SLC35A1: variants seen among roughly 807,000 people sequenced by gnomAD.
SLC35A1 encodes the protein solute carrier family 35 member A1.
Under a neutral mutation model 40.3 loss-of-function variants are expected in SLC35A1, and 21 were observed. The ratio of observed to expected loss-of-function variants is 0.52; its 90% CI spans 0.37 to 0.75. The LOEUF is 0.75. SLC35A1 is among the 30% of genes least tolerant of loss of function. The pLI is 0.00. For synonymous variants in SLC35A1, 146 were observed against 147.3 expected (o/e 0.99, Z 0.06); for missense variants, 297 against 382.1 (o/e 0.78, Z 1.86).
intron 2 of SLC35A1, among the ~76,000 whole-genome samples, chr6:87,481,917 T>C (rs1434673170): frequency 6.6e-6 from 1 of 152,218 alleles, no homozygotes; most frequent in East Asian, 1.9e-4. Context: ...AAACAAAATT[T>C]TTTTTAACCT....
intron 2 of SLC35A1, among the ~76,000 whole-genome samples, chr6:87,498,679 G>A (rs1399255966): frequency 6.6e-6 from 1 of 152,138 alleles, no homozygotes; most frequent in Non-Finnish European, 1.5e-5. Flanking sequence ...GCTGAGGTAG[G>A]AGAATCCATG....
In SLC35A1 at chr6:87,511,990, A is replaced by G. The variant is rs539612966; in HGVS notation, c.*464A>G. 6.4e-4 allele frequency: 115 copies of G among 178,814 alleles called. No individual in the cohort carries two copies. Among genetic ancestry groups the G allele is most frequent in the African/African-American group, 2.7e-3 (113 of 41,950 alleles). The allele number at this position is 178,814 out of a possible 1,614,324, so 11.1% of individuals were successfully genotyped here. On this transcript the variant is annotated 3_prime_UTR_variant, in exon 8 of 8. Coordinates refer to ENST00000369552, the MANE Select transcript of SLC35A1 (RefSeq NM_006416.5). ...AGTATTTTGTCCTAGCAGCATAAAG[A>G]CCTAGCTCTTTTCTTACAAGAGGCA...
chr6:87,482,158 A>C (rs920999089), intron 2 of SLC35A1, among the ~76,000 whole-genome samples: 7 of 152,172 alleles, frequency 4.6e-5, no homozygotes, highest in African/African-American at 1.7e-4. Context: ...CTTCCTGTAA[A>C]CATCGCTTTC....
chr6:87,494,509 G>A (rs555343986), intron 2 of SLC35A1, among the ~76,000 whole-genome samples: 8 of 149,740 alleles, frequency 5.3e-5, no homozygotes, highest in African/African-American at 2.0e-4. Context: ...TGCAAGCTCC[G>A]CCTCCTGGGT....
At chr6:87,474,320 A>G (rs1228445218) in intron 1 of SLC35A1, among the ~76,000 whole-genome samples, 1 of 152,258 alleles carries the variant, frequency 6.6e-6, no homozygotes, top group African/African-American at 2.4e-5. Flanking sequence ...CAGAATTTCT[A>G]AGTTCTTAAG....
rs753549837 is a variant in SLC35A1, at chr6:87,472,984, C to A, written c.-20C>A. On this transcript the variant is annotated 5_prime_UTR_variant, in exon 1 of 8. Coordinates refer to ENST00000369552, the MANE Select transcript of SLC35A1 (RefSeq NM_006416.5). ...GCGGAGGGGGCGGGCGTCAGTTCCGCGGGGGGCTGTCGGGGAACCATGGCT... is the reference window on the plus strand; with the variant it reads ...GCGGAGGGGGCGGGCGTCAGTTCCGAGGGGGGCTGTCGGGGAACCATGGCT... The A allele has an allele frequency of 3.0e-6, 2 of 665,088 alleles. No individual in the cohort carries two copies. The highest frequency in any genetic ancestry group is 4.6e-6 in the Non-Finnish European group (2 of 431,480). 41.2% of individuals were successfully genotyped at this position (665,088 alleles called of 1,614,324 possible). A position where few individuals can be genotyped will look rare whatever the true frequency, so the allele number is the denominator to read the frequency against.
chr6:87,492,988 C>T (rs1046703027), intron 2 of SLC35A1, among the ~76,000 whole-genome samples: 5 of 152,202 alleles, frequency 3.3e-5, no homozygotes, highest in Non-Finnish European at 5.9e-5. Context: ...ATCACACTTT[C>T]ACCTACTGGT....
chr6:87,496,434 T>C (rs1213260225), intron 2 of SLC35A1, among the ~76,000 whole-genome samples: 1 of 152,174 alleles, frequency 6.6e-6, no homozygotes, highest in Non-Finnish European at 1.5e-5. Flanking sequence ...AATTAATAAA[T>C]TTGTTTTTAA....
At chr6:87,503,702 ACT>A (rs1442313660) in intron 4 of SLC35A1, among the ~76,000 whole-genome samples, 12 of 151,964 alleles carry the variant, frequency 7.9e-5, no homozygotes, top group African/African-American at 1.9e-4. Context: ...ATAGTGCGAG[ACT>A]CTGTTTCAAT....
chr6:87,511,280 C>T, intron 7 of SLC35A1, 119 bp from the exon 8 acceptor site: 1 of 1,091,714 alleles, frequency 9.2e-7, no homozygotes, highest in South Asian at 1.3e-5. Flanking sequence ...ACCTTGCCAT[C>T]ATAAAAATAT....
At chr6:87,491,133 C>G (rs1769539595) in intron 2 of SLC35A1, among the ~76,000 whole-genome samples, 1 of 152,144 alleles carries the variant, frequency 6.6e-6, no homozygotes, top group Admixed American at 6.5e-5. Context: ...AGAAGTGTTT[C>G]AGATTTCAGG....
chr6:87,488,982 G>A (rs1241055986), intron 2 of SLC35A1, among the ~76,000 whole-genome samples: 2 of 152,196 alleles, frequency 1.3e-5, no homozygotes, highest in Non-Finnish European at 2.9e-5. Context: ...ATTGTCTTTT[G>A]TTCTTTCTCT....
At chr6:87,489,759 C>G (rs1224991064) in intron 2 of SLC35A1, among the ~76,000 whole-genome samples, 1 of 151,418 alleles carries the variant, frequency 6.6e-6, no homozygotes, top group African/African-American at 2.4e-5. Context: ...TCAGACTGGT[C>G]TTGAACTCCT....
chr6:87,476,086 T>C (rs1582163418), intron 1 of SLC35A1, among the ~76,000 whole-genome samples: 1 of 152,226 alleles, frequency 6.6e-6, no homozygotes, highest in Non-Finnish European at 1.5e-5. Context: ...CCACTGCTTA[T>C]GGTTTTACCA....
intron 2 of SLC35A1, among the ~76,000 whole-genome samples, chr6:87,482,899 T>G (rs1368162068): frequency 6.6e-6 from 1 of 152,186 alleles, no homozygotes; most frequent in Non-Finnish European, 1.5e-5. Flanking sequence ...TTTTTCTACT[T>G]TCTTCTGTTA....
At chr6:87,510,032 T>C (rs1317785094) in intron 7 of SLC35A1, among the ~76,000 whole-genome samples, 1 of 152,226 alleles carries the variant, frequency 6.6e-6, no homozygotes, top group African/African-American at 2.4e-5. Flanking sequence ...TAGAAAACCA[T>C]GTATAGTCTG....
At chr6:87,477,623 A>G (rs762247216) in intron 2 of SLC35A1, 84 bp downstream of exon 2, 3 of 1,156,350 alleles carry the variant, frequency 2.6e-6, no homozygotes, top group Non-Finnish European at 3.9e-6. Context: ...ACATCTTTAT[A>G]TGTTTAATTG....
chr6:87,501,370 A>G lies in SLC35A1; in HGVS notation c.507+60A>G. 13 of 1,521,354 alleles carry G rather than the reference A, an allele frequency of 8.5e-6. No homozygotes were observed. In the South Asian group the frequency reaches 1.5e-4, roughly 18 times the overall value. 94.2% of individuals were successfully genotyped at this position (1,521,354 alleles called of 1,614,324 possible). A position where few individuals can be genotyped will look rare whatever the true frequency, so the allele number is the denominator to read the frequency against. ...AATAGAAAACTTCCTTAAGTCTTAT[A>G]CTGTTCAGTTACATTGATGCATGCA... On this transcript the variant is annotated intron_variant, in intron 4 of 7. Coordinates refer to ENST00000369552, the MANE Select transcript of SLC35A1 (RefSeq NM_006416.5).
intron 2 of SLC35A1, among the ~76,000 whole-genome samples, chr6:87,489,831 AT>A (rs35994719): frequency 0.083 from 11,666 of 141,230 alleles, 430 homozygotes; most frequent in African/African-American, 0.11. Context: ...GCCTGGCCAA[AT>A]TTTTTTTTTT....
Sources: gnomAD v4.1 joint callset for allele counts (sites outside exome capture counted in the v4.1 genomes callset) on GRCh38, gnomAD v4.1.1 for gene constraint, MANE v1.5 for transcripts, NCBI Gene and HGNC (gene_info 2026-07-23, HGNC 2026-07-21) for gene names.